LST1: variants seen among roughly 807,000 people sequenced by gnomAD.
LST1 encodes leukocyte specific transcript 1, also known as leukocyte-specific transcript 1 protein.
Under a neutral mutation model 8.5 loss-of-function variants are expected in LST1, and 9 were observed. The ratio of observed to expected loss-of-function variants is 1.06; its 90% CI spans 0.64 to 1.85. LST1 has a LOEUF of 1.85. Among genes scored for constraint, LST1 ranks in the 40% most tolerant of loss-of-function variants. The pLI, the probability that LST1 is intolerant of heterozygous loss-of-function variation, is 0.00. For missense variants in LST1, 121 were observed against 117.1 expected (o/e 1.03, Z -0.16); for synonymous variants, 53 against 50.4 (o/e 1.05, Z -0.21).
At chr6:31,588,125 A>G in intron 4 of LST1, 159 bp downstream of exon 4, 1 of 689,108 alleles carries the variant, frequency 1.5e-6, no homozygotes. Flanking sequence ...CAAAAGAGAA[A>G]GAGAAAATGA....
At chr6:31,587,875 G>A (rs1162079467) in intron 3 of LST1, 69 bp from the exon 4 acceptor site, 39 of 1,573,952 alleles carry the variant, frequency 2.5e-5, no homozygotes, top group Non-Finnish European at 3.2e-5. Flanking sequence ...CCTGCTGGTG[G>A]GGGGAGCCCG....
chr6:31,587,988 G>A (rs199806661), intron 4 of LST1, 22 bp downstream of exon 4: 8 of 1,602,588 alleles, frequency 5.0e-6, no homozygotes, highest in African/African-American at 2.7e-5. Context: ...GACAGGGAAG[G>A]GGGAGGGCAA....
In LST1 at chr6:31,588,661, G is replaced by A; in HGVS notation, c.279G>A (p.Glu93=). 6.2e-7 allele frequency: 1 copy of A among 1,613,114 alleles called. No homozygotes were observed. Among genetic ancestry groups the A allele is most frequent in the Non-Finnish European group, 8.5e-7 (1 of 1,180,020 alleles). Residue 93 remains glutamate, a synonymous_variant, in exon 5 of 5, where the codon GAG becomes GAA. Transcript: ENST00000438075. The part of the protein sequence containing the change: ...DPRADYACIA[E]NKPT ...GAGCTGACTATGCCTGCATTGCTGA[G>A]AACAAACCCACCTGAGCACCCCAGA...
Position 31,588,404 on chromosome 6 carries a change from G to A in LST1, c.136-114G>A, listed in dbSNP as rs62395782. ...AGAGAGAGAGAGAGAGAGAGAGAGG[G>A]AGAGAGAGAGAGAGAGAGGGAGAGA... On this transcript the variant is annotated intron_variant, in intron 4 of 4. Coordinates refer to ENST00000438075, the MANE Select transcript of LST1 (RefSeq NM_205839.3). 4.4e-6 allele frequency: 3 copies of A among 687,478 alleles called. No homozygotes were observed. In the African/African-American group the frequency reaches 5.8e-5, roughly 13 times the overall value. The allele number at this position is 687,478 out of a possible 1,614,324, so 42.6% of individuals were successfully genotyped here. A position where few individuals can be genotyped will look rare whatever the true frequency, so the allele number is the denominator to read the frequency against.
chr6:31,587,629 T>G lies in LST1; in HGVS notation c.20-12T>G, dbSNP rs1315726186. The stretch of plus-strand genomic sequence containing the variant: ...GAATGGGCTTCCTAACCTTGAGCCC[T>G]CTTCCCTGAAGATATATGTATCTAC... On this transcript the variant is annotated splice_polypyrimidine_tract_variant and intron_variant, in intron 2 of 4. Coordinates refer to ENST00000438075, the MANE Select transcript of LST1 (RefSeq NM_205839.3). 1.9e-6 allele frequency: 3 copies of G among 1,553,328 alleles called. No homozygotes were observed. The Admixed American group carries it at 5.3e-5, about 27-fold the overall frequency.
intron 3 of LST1, 41 bp downstream of exon 3, chr6:31,587,774 C>A: frequency 6.6e-7 from 1 of 1,507,928 alleles, no homozygotes; most frequent in East Asian, 2.4e-5. Context: ...AGCAGTGCCC[C>A]CTGTGCCCCC....
At position 31,587,219 on chromosome 6, in the gene LST1, T is replaced by C; in HGVS notation, c.-81T>C. ...TCACAGATGAGGAACTTGAGGCAAG[T>C]CACCAGCCCCTGATCATTTCGCCTA... On this transcript the variant is annotated 5_prime_UTR_variant, in exon 2 of 5. Transcript: ENST00000438075. The C allele has an allele frequency of 1.1e-6, 1 of 930,264 alleles. No homozygotes were observed. The highest frequency in any genetic ancestry group is 1.8e-6 in the Non-Finnish European group (1 of 565,450). The allele number at this position is 930,264 out of a possible 1,614,324, so 57.6% of individuals were successfully genotyped here.
In LST1 at chr6:31,588,842, G is replaced by C; in HGVS notation, c.*166G>C. 1 of 904,620 alleles carries C rather than the reference G, an allele frequency of 1.1e-6. No individual in the cohort carries two copies. 56.0% of individuals were successfully genotyped at this position (904,620 alleles called of 1,614,324 possible). A position where few individuals can be genotyped will look rare whatever the true frequency, so the allele number is the denominator to read the frequency against. ...AAACTTATGTGGCTTTTTGACCTTT[G>C]AATAGGGAATTTTTTAAATTTTTTA... On this transcript the variant is annotated 3_prime_UTR_variant, in exon 5 of 5. Transcript: ENST00000438075.
At chr6:31,588,377 AGAG>A in intron 4 of LST1, 138 bp from the exon 5 acceptor site, 1 of 499,966 alleles carries the variant, frequency 2.0e-6, no homozygotes, top group Non-Finnish European at 3.4e-6. Flanking sequence ...AAGAAAAAAG[AGAG>A]AGAGAGAGAG....
rs766289795 is a variant in LST1 at position 31,587,659 on chromosome 6, G to C, written c.38G>C (p.Gly13Ala). The change falls in exon 3 of 5, where the codon GGC becomes GCC. Residue 13 changes from glycine (G) to alanine (A), a missense_variant. By Grantham distance (60) the Gly-to-Ala change is moderately conservative (BLOSUM62 0). Transcript: ENST00000438075. The stretch of plus-strand genomic sequence containing the variant: ...CCTGAAGATATATGTATCTACGGGG[G>C]CCTGGGGCTGGGCGGGCTCCTGCTT... ...SRNDDICIYG[G>A]LGLGGLLLLA... The C allele has an allele frequency of 4.1e-5, 65 of 1,602,852 alleles. No homozygotes were observed. The highest frequency in any genetic ancestry group is 5.4e-5 in the Non-Finnish European group (64 of 1,175,488).
At position 31,587,308 on chromosome 6, in the gene LST1, G is replaced by A. The variant is rs149481602; in HGVS notation, c.9G>A (p.Ser3=). The A allele has an allele frequency of 5.5e-5, 88 of 1,612,976 alleles. No individual in the cohort carries two copies. The highest frequency in any genetic ancestry group is 2.9e-4 in the African/African-American group (22 of 74,988). Residue 3 remains serine, a synonymous_variant, in exon 2 of 5, where the codon TCG becomes TCA. Coordinates refer to ENST00000438075, the MANE Select transcript of LST1 (RefSeq NM_205839.3). Reference sequence around the variant, plus strand: ...CCCTGATCCCTGACCTAATGTTATCGCGGAATGATGGTAAGTAAAGTGTCT... The same window carrying A: ...CCCTGATCCCTGACCTAATGTTATCACGGAATGATGGTAAGTAAAGTGTCT... ML[S]RNDDICIYGG... is the part of the protein sequence containing the mutation.
chr6:31,586,973 G>A (rs1351516147), intron 1 of LST1: 2 of 495,800 alleles, frequency 4.0e-6, no homozygotes, highest in Non-Finnish European at 7.3e-6. Context: ...GCTGGGCTCT[G>A]GAGTTGGGCA....
chr6:31,587,864 G>A lies in LST1; in HGVS notation c.113-80G>A, dbSNP rs553508823. On this transcript the variant is annotated intron_variant, in intron 3 of 4. Transcript: ENST00000438075. ...CTGGGAAGCCAACAGGGGAGTCCAC[G>A]CCTGCTGGTGGGGGGAGCCCGGGAG... is the stretch of plus-strand genomic sequence containing the variant. The A allele has an allele frequency of 6.9e-5, 108 of 1,564,766 alleles. No homozygotes were observed. The Middle Eastern group carries it at 8.9e-4, about 13-fold the overall frequency.
chr6:31,587,353 A>G (rs2256965), intron 2 of LST1, 35 bp downstream of exon 2: 958,062 of 1,608,576 alleles, frequency 0.6, 287,829 homozygotes, highest in East Asian at 0.71. Context: ...GCATAGAGAG[A>G]GTCCTGGGAG....
chr6:31,587,480 G>A, intron 2 of LST1, 161 bp from the exon 3 acceptor site: 1 of 903,652 alleles, frequency 1.1e-6, no homozygotes, highest in East Asian at 2.4e-5. Context: ...AACCTGGTAA[G>A]AGGTGAGGTA....
At chr6:31,588,403 G>GA (rs1562499302) in intron 4 of LST1, 115 bp from the exon 5 acceptor site, 80 of 541,512 alleles carry the variant, frequency 1.5e-4, no homozygotes, top group South Asian at 4.2e-4. Flanking sequence ...AGAGAGAGAG[G>GA]GAGAGAGAGA....
At chr6:31,587,070 A>G (rs1772000133) in intron 1 of LST1, 130 bp from the exon 2 acceptor site, 1 of 594,254 alleles carries the variant, frequency 1.7e-6, no homozygotes, top group African/African-American at 1.9e-5. Context: ...TACTTGGGCA[A>G]CGGGCACCAT....
In LST1 at chr6:31,586,486, C is replaced by T. The variant is rs72847274; in HGVS notation, c.-101+171C>T. ...TAAAGACAATTCATTTCTGTGCCCA[C>T]GGCCCTTATGGCCTCCACCTGCACT... On this transcript the variant is annotated intron_variant, in intron 1 of 4. Transcript: ENST00000438075. Among the ~76,000 whole-genome samples, 534 of 152,312 alleles carry T rather than the reference C, an allele frequency of 3.5e-3. 3 individuals are homozygous for T. Among genetic ancestry groups the T allele is most frequent in the Non-Finnish European group, 4.3e-3 (294 of 68,016 alleles).
At chr6:31,586,607 C>G (rs957688483) in intron 1 of LST1, 1 of 152,254 alleles carries the variant, frequency 6.6e-6, no homozygotes, top group Non-Finnish European at 1.5e-5. Flanking sequence ...AAGAGAACGG[C>G]CCCCTCTTCA....
Sources: gnomAD v4.1 joint callset for allele counts (sites outside exome capture counted in the v4.1 genomes callset) on GRCh38, gnomAD v4.1.1 for gene constraint, MANE v1.5 for transcripts, NCBI Gene and HGNC (gene_info 2026-07-23, HGNC 2026-07-21) for gene names.